The following ZDHHC15 variants were observed in gnomAD, a reference collection of about 807,000 sequenced individuals.
ZDHHC15 encodes the protein zDHHC palmitoyltransferase 15, also known as palmitoyltransferase ZDHHC15.
In ZDHHC15, 19 loss-of-function variants were observed where a neutral mutation model predicts 31.7. That is an observed-to-expected ratio of 0.60 (90% confidence interval 0.42 to 0.88). The LOEUF is 0.88. Ranked by LOEUF, ZDHHC15 falls within the 40% of genes least tolerant of loss-of-function variation. The pLI is 0.00. For missense variants in ZDHHC15, 209 were observed against 251.2 expected (o/e 0.83, Z 1.14); for synonymous variants, 103 against 90.0 (o/e 1.14, Z -0.82).
Position 75,432,917 on chromosome X carries a change from G to A in ZDHHC15, c.380-1397C>T, listed in dbSNP as rs192010209. ...GAGGATTGCTAGAGCCCAGGAGTTC[G>A]AGGCTGCTGTGATCCATGAATGAAC... On this transcript the variant is annotated intron_variant, in intron 4 of 11. Transcript: ENST00000373367. 8.0e-3 allele frequency among the ~76,000 whole-genome samples: 887 copies of A among 111,197 alleles called. 10 individuals carry two copies. The highest frequency in any genetic ancestry group is 0.026 in the African/African-American group (800 of 30,514).
intron 2 of ZDHHC15, among the ~76,000 whole-genome samples, chrX:75,499,331 T>C (rs2085055992): frequency 9.0e-6 from 1 of 111,616 alleles, no homozygotes; most frequent in Non-Finnish European, 1.9e-5. Context: ...TTCAGCAAAG[T>C]AAACAGAAAA....
chrX:75,467,678 CA>C (rs749808614), intron 3 of ZDHHC15, among the ~76,000 whole-genome samples: 19 of 112,414 alleles, frequency 1.7e-4, no homozygotes, highest in South Asian at 3.7e-4. Flanking sequence ...ATGAAATTCC[CA>C]AACAATCAGA....
chrX:75,470,773 T>C (rs1251111438), intron 3 of ZDHHC15, among the ~76,000 whole-genome samples: 2 of 111,762 alleles, frequency 1.8e-5, no homozygotes, highest in African/African-American at 6.5e-5. Context: ...GGCATAGACA[T>C]ACTTAGCAGC....
intron 2 of ZDHHC15, among the ~76,000 whole-genome samples, chrX:75,483,017 GTA>G (rs1288737144): frequency 4.0e-4 from 38 of 95,594 alleles, no homozygotes; most frequent in Admixed American, 2.0e-3. Context: ...ATATATATAT[GTA>G]TATATATACA....
intron 3 of ZDHHC15, among the ~76,000 whole-genome samples, chrX:75,454,982 A>G (rs780008236): frequency 9.0e-6 from 1 of 111,410 alleles, no homozygotes; most frequent in Non-Finnish European, 1.9e-5. Flanking sequence ...CCATCAAGCT[A>G]CCAATGACTT....
intron 4 of ZDHHC15, among the ~76,000 whole-genome samples, chrX:75,441,588 T>A (rs868134713): frequency 9.1e-6 from 1 of 109,665 alleles, no homozygotes; most frequent in African/African-American, 3.3e-5. Flanking sequence ...CTGTGAATTC[T>A]TTCCGCTTTC....
intron 4 of ZDHHC15, among the ~76,000 whole-genome samples, chrX:75,434,959 C>T (rs1322732743): frequency 8.9e-6 from 1 of 112,033 alleles, no homozygotes; most frequent in Non-Finnish European, 1.9e-5. Context: ...TGATTATACC[C>T]ATTCATGGGC....
intron 2 of ZDHHC15, among the ~76,000 whole-genome samples, chrX:75,488,259 C>T (rs1324516294): frequency 3.6e-5 from 4 of 111,485 alleles, no homozygotes; most frequent in African/African-American, 1.3e-4. Flanking sequence ...AATCTTAAGA[C>T]CTGTGAGGCA....
intron 2 of ZDHHC15, among the ~76,000 whole-genome samples, chrX:75,491,678 A>G (rs983166664): frequency 3.6e-5 from 4 of 111,257 alleles, no homozygotes; most frequent in Admixed American, 2.9e-4. Context: ...AGAATTTCAT[A>G]TCCAGCCAAA....
intron 1 of ZDHHC15, among the ~76,000 whole-genome samples, chrX:75,513,173 A>G (rs1178165837): frequency 9.0e-6 from 1 of 111,524 alleles, no homozygotes; most frequent in East Asian, 2.8e-4. Context: ...TAGACCTAAA[A>G]CCATAAAAAC....
chrX:75,465,205 A>G (rs2084382881), intron 3 of ZDHHC15, among the ~76,000 whole-genome samples: 1 of 111,687 alleles, frequency 9.0e-6, no homozygotes, highest in Non-Finnish European at 1.9e-5. Context: ...CCCATTCACA[A>G]TTGTCACAAA....
At chrX:75,514,327 A>G (rs2085322782) in intron 1 of ZDHHC15, among the ~76,000 whole-genome samples, 1 of 112,567 alleles carries the variant, frequency 8.9e-6, no homozygotes, top group Non-Finnish European at 1.9e-5. Context: ...CAATGTATAA[A>G]GATGTAATTT....
In ZDHHC15 at chrX:75,522,902, A is replaced by G. The variant is rs2085462554; in HGVS notation, c.123T>C (p.Phe41=). ...AGCCCCACTTACCCAGGCAGAGTTC[A>G]AAGACGTAGGCATAGTAGGACCAGA... is the stretch of plus-strand genomic sequence containing the variant. ...VVLWSYYAYV[F]ELCLVTVLSP... The change falls in exon 1 of 12, where the codon TTT becomes TTC. Residue 41 remains phenylalanine, a synonymous_variant. Coordinates refer to ENST00000373367, the MANE Select transcript of ZDHHC15 (RefSeq NM_144969.3). 5.0e-6 allele frequency: 6 copies of G among 1,211,832 alleles called. No individual in the cohort carries two copies. The highest frequency in any genetic ancestry group is 6.7e-6 in the Non-Finnish European group (6 of 895,455).
intron 2 of ZDHHC15, among the ~76,000 whole-genome samples, chrX:75,496,665 C>A (rs1051312112): frequency 6.3e-5 from 7 of 111,380 alleles, no homozygotes; most frequent in African/African-American, 1.6e-4. Context: ...CTCTCACAGA[C>A]AACAGTGGAA....
chrX:75,498,474 T>C (rs1442979108), intron 2 of ZDHHC15, among the ~76,000 whole-genome samples: 3 of 111,783 alleles, frequency 2.7e-5, no homozygotes, highest in Non-Finnish European at 5.6e-5. Context: ...CATAAATCAG[T>C]AGCACTGCTA....
intron 1 of ZDHHC15, among the ~76,000 whole-genome samples, chrX:75,520,512 T>C (rs983343658): frequency 8.9e-6 from 1 of 111,845 alleles, no homozygotes; most frequent in Non-Finnish European, 1.9e-5. Flanking sequence ...ATTATCATCA[T>C]TAATTTTTAA....
intron 2 of ZDHHC15, among the ~76,000 whole-genome samples, chrX:75,497,192 G>A (rs986783526): frequency 5.4e-5 from 6 of 111,277 alleles, no homozygotes; most frequent in Non-Finnish European, 1.1e-4. Flanking sequence ...GATCATTGAA[G>A]GCTACTATGA....
chrX:75,491,101 T>A (rs558447251), intron 2 of ZDHHC15, among the ~76,000 whole-genome samples: 2 of 111,305 alleles, frequency 1.8e-5, no homozygotes, highest in African/African-American at 6.5e-5. Flanking sequence ...AGAAATACCA[T>A]TGGACCCAGC....
intron 4 of ZDHHC15, among the ~76,000 whole-genome samples, chrX:75,434,220 G>A (rs1019460998): frequency 5.4e-5 from 6 of 111,397 alleles, no homozygotes; most frequent in African/African-American, 1.3e-4. Context: ...TGGGTTCCTT[G>A]TAGATTCTGG....
Sources: gnomAD v4.1 joint callset for allele counts (sites outside exome capture counted in the v4.1 genomes callset) on GRCh38, gnomAD v4.1.1 for gene constraint, MANE v1.5 for transcripts, NCBI Gene and HGNC (gene_info 2026-07-23, HGNC 2026-07-21) for gene names.